Variants in SGK3 observed in about 807,000 individuals in gnomAD.
SGK3 encodes the protein serine/threonine-protein kinase Sgk3.
Under a neutral mutation model 68.5 loss-of-function variants are expected in SGK3, and 47 were observed. That is an observed-to-expected ratio of 0.69 (90% CI 0.54 to 0.87). The LOEUF (loss-of-function observed/expected upper bound fraction) is 0.87. Ranked by LOEUF, SGK3 falls within the 40% of genes least tolerant of loss-of-function variation. The pLI is 0.00. For missense variants in SGK3, 479 were observed against 575.5 expected (o/e 0.83, Z 1.72); for synonymous variants, 181 against 189.1 (o/e 0.96, Z 0.35).
chr8:66,826,253 G>A (rs969818971), intron 6 of SGK3, among the ~76,000 whole-genome samples: 1 of 152,102 alleles, frequency 6.6e-6, no homozygotes, highest in African/African-American at 2.4e-5. Flanking sequence ...TTACAGGTGT[G>A]AGCCACCACG....
In SGK3 at chr8:66,807,954, G is replaced by A. The variant is rs527912056; in HGVS notation, c.253+3507G>A. On this transcript the variant is annotated intron_variant, in intron 4 of 16. Coordinates refer to ENST00000521198, the MANE Select transcript of SGK3 (RefSeq NM_001033578.3). ...AGCTCTTTATGTATTTTGCTATGGT[G>A]TGATCTCCAGAATATACCATTAAAT... Among the ~76,000 whole-genome samples, 9 of 152,218 alleles carry A rather than the reference G, an allele frequency of 5.9e-5. No homozygotes were observed. The South Asian group carries it at 1.5e-3, about 25-fold the overall frequency.
chr8:66,803,698 C>G (rs1385072129), intron 3 of SGK3, among the ~76,000 whole-genome samples: 1 of 151,444 alleles, frequency 6.6e-6, no homozygotes, highest in Non-Finnish European at 1.5e-5. Context: ...TGTCTGTTGC[C>G]CAGGCTGGAG....
At chr8:66,837,319 A>C (rs1809578455) in intron 10 of SGK3, among the ~76,000 whole-genome samples, 1 of 152,246 alleles carries the variant, frequency 6.6e-6, no homozygotes, top group South Asian at 2.1e-4. Context: ...TTCATTCCCC[A>C]ATCTCTGAGC....
chr8:66,814,863 T>A (rs1386283393), intron 5 of SGK3, among the ~76,000 whole-genome samples: 2 of 152,214 alleles, frequency 1.3e-5, no homozygotes, highest in Non-Finnish European at 2.9e-5. Context: ...TTGAGTCTGG[T>A]AGTTGGTTTA....
At chr8:66,761,216 C>G (rs1482431863) in intron 1 of SGK3, among the ~76,000 whole-genome samples, 1 of 152,162 alleles carries the variant, frequency 6.6e-6, no homozygotes, top group Admixed American at 6.5e-5. Context: ...AGCAATCCTC[C>G]TGCTTCAGGT....
intron 4 of SGK3, among the ~76,000 whole-genome samples, chr8:66,812,120 A>G (rs1414276924): frequency 1.3e-5 from 2 of 152,216 alleles, no homozygotes; most frequent in African/African-American, 2.4e-5. Flanking sequence ...GACAAACACT[A>G]TACATTATAC....
intron 4 of SGK3, among the ~76,000 whole-genome samples, chr8:66,808,440 T>C (rs115621842): frequency 0.02 from 3,061 of 152,168 alleles, 88 homozygotes; most frequent in African/African-American, 0.069. Flanking sequence ...GTTACTGTCA[T>C]GGGAACCAAG....
At chr8:66,729,735 T>TTATA (rs149985419) in intron 1 of SGK3, among the ~76,000 whole-genome samples, 5 of 151,004 alleles carry the variant, frequency 3.3e-5, no homozygotes, top group South Asian at 2.1e-4. Context: ...ATTTATTTAT[T>TTATA]TTTATTTATT....
In SGK3 at chr8:66,723,119, ATATATATATATATTTTTT is replaced by A. The variant is rs1337154630; in HGVS notation, c.-122+10288_-122+10305del. Among the ~76,000 whole-genome samples the A allele has an allele frequency of 4.6e-4, 23 of 50,404 alleles. 1 individual carries two copies. Among genetic ancestry groups the A allele is most frequent in the African/African-American group, 1.9e-3 (21 of 10,838 alleles). The allele number at this position is 50,404 out of a possible 152,430, so 33.1% of individuals were successfully genotyped here. A position where few individuals can be genotyped will look rare whatever the true frequency, so the allele number is the denominator to read the frequency against. ...TATATATATATATATATATATATAT[ATATATATATATATTTTTT>A]TTTTTTTTTTTTTTTGTAAAAGGGT... On this transcript the variant is annotated intron_variant, in intron 1 of 16. Transcript: ENST00000521198.
chr8:66,831,089 C>T (rs1477280857), intron 7 of SGK3, among the ~76,000 whole-genome samples, 165 bp from the exon 8 acceptor site: 1 of 152,108 alleles, frequency 6.6e-6, no homozygotes, highest in Admixed American at 6.5e-5. Flanking sequence ...TACATATTAC[C>T]TACTGTGCAT....
intron 1 of SGK3, among the ~76,000 whole-genome samples, chr8:66,759,126 C>T (rs1806077831): frequency 1.4e-5 from 2 of 145,492 alleles, no homozygotes; most frequent in African/African-American, 2.6e-5. Flanking sequence ...CTCCCTGTCT[C>T]CCAGGCTGGA....
At chr8:66,787,469 C>A (rs7001886) in intron 1 of SGK3, among the ~76,000 whole-genome samples, 1 of 152,170 alleles carries the variant, frequency 6.6e-6, no homozygotes, top group African/African-American at 2.4e-5. Context: ...TCTAATCCCC[C>A]CTGTGGGATG....
chr8:66,850,917 T>C lies in SGK3; in HGVS notation c.1317T>C (p.Asn439=), dbSNP rs34320206. 1.2e-6 allele frequency: 2 copies of C among 1,608,994 alleles called. No individual in the cohort carries two copies. Among genetic ancestry groups the C allele is most frequent in the Non-Finnish European group, 1.7e-6 (2 of 1,177,028 alleles). Residue 439 remains asparagine (N), a synonymous_variant, in exon 16 of 17, where the codon AAT becomes AAC. Transcript: ENST00000521198. ...AGATTCCACCACCATTTAATCCTAATGTGGTAAGTATATATCCAAATCTTT... is the reference window on the plus strand; with the variant it reads ...AGATTCCACCACCATTTAATCCTAACGTGGTAAGTATATATCCAAATCTTT... ...QKKIPPPFNP[N]VAGPDDIRNF... is the part of the protein sequence containing the mutation.
chr8:66,811,447 T>C (rs1808379255), intron 4 of SGK3, among the ~76,000 whole-genome samples: 1 of 152,194 alleles, frequency 6.6e-6, no homozygotes, highest in African/African-American at 2.4e-5. Context: ...TTATATAAAT[T>C]CTTGGCACTT....
In SGK3 at chr8:66,835,970, G is replaced by A. The variant is rs767002581; in HGVS notation, c.637G>A (p.Val213Met). 3.7e-6 allele frequency: 6 copies of A among 1,613,686 alleles called. No individual in the cohort carries two copies. The highest frequency in any genetic ancestry group is 5.1e-6 in the Non-Finnish European group (6 of 1,179,854). The change falls in exon 10 of 17, where the codon GTG (valine) becomes ATG (methionine). Residue 213 changes from valine (V) to methionine (M), a missense_variant. This residue lies in a region of SGK3 where 298 missense variants were observed against 329.4 expected (regional missense o/e 0.90). Coordinates refer to ENST00000521198, the MANE Select transcript of SGK3 (RefSeq NM_001033578.3). ...EQKHIMAERN[V>M]LLKNVKHPFL... is the part of the protein sequence containing the mutation. ...AAAACATATTATGGCTGAACGTAAT[G>A]TGCTCTTGAAAAATGTGAAACATCC... is the stretch of plus-strand genomic sequence containing the variant.
intron 1 of SGK3, among the ~76,000 whole-genome samples, chr8:66,717,372 A>G (rs1804666877): frequency 6.6e-6 from 1 of 150,840 alleles, no homozygotes. Context: ...TCTACTAAAA[A>G]TACAAAATTA....
chr8:66,823,996 T>C (rs1808953674), intron 6 of SGK3, among the ~76,000 whole-genome samples: 1 of 152,162 alleles, frequency 6.6e-6, no homozygotes, highest in Non-Finnish European at 1.5e-5. Flanking sequence ...GTTTTTGTGA[T>C]TTAAAAGATA....
At chr8:66,729,405 G>A (rs1805076940) in intron 1 of SGK3, among the ~76,000 whole-genome samples, 1 of 151,504 alleles carries the variant, frequency 6.6e-6, no homozygotes, top group African/African-American at 2.4e-5. Context: ...GCAGTGAGCC[G>A]AGATCGCGCC....
At chr8:66,806,385 T>G (rs1482812857) in intron 4 of SGK3, among the ~76,000 whole-genome samples, 3 of 152,216 alleles carry the variant, frequency 2.0e-5, no homozygotes, top group Admixed American at 2.0e-4. Flanking sequence ...AAAGTATTAC[T>G]AAATATATGA....
Sources: allele counts gnomAD v4.1 joint callset (sites outside exome capture counted in the v4.1 genomes callset), GRCh38; gene constraint gnomAD v4.1.1; regional missense constraint gnomAD v4.1.1; transcripts MANE v1.5; gene names NCBI Gene and HGNC (gene_info 2026-07-23, HGNC 2026-07-21).